Variants in PTPRD observed in about 807,000 individuals in gnomAD.
PTPRD encodes receptor-type tyrosine-protein phosphatase delta.
PTPRD carries 34 observed loss-of-function variants against 214.5 expected under a neutral mutation model. The observed-to-expected ratio is 0.16, with a 90% CI of 0.12 to 0.21. The LOEUF is 0.21. Among genes scored for constraint, PTPRD ranks in the 10% least tolerant of loss-of-function variants. PTPRD has a pLI of 1.00. For missense variants in PTPRD, 2,545 were observed against 2,398.7 expected (o/e 1.06, Z -1.27); for synonymous variants, 1,128 against 845.7 (o/e 1.33, Z -5.79).
At chr9:10,275,420 G>T (rs1474036015) in intron 3 of PTPRD, among the ~76,000 whole-genome samples, 1 of 151,972 alleles carries the variant, frequency 6.6e-6, no homozygotes, top group Middle Eastern at 3.2e-3. Context: ...TAAATTGAGA[G>T]GGATGAGAGA....
At chr9:10,347,869 C>T (rs2097114455) in intron 2 of PTPRD, among the ~76,000 whole-genome samples, 1 of 151,902 alleles carries the variant, frequency 6.6e-6, no homozygotes, top group Non-Finnish European at 1.5e-5. Flanking sequence ...ACCAGCCTGG[C>T]CAACATAGGG....
chr9:10,218,079 T>C (rs537986780), intron 3 of PTPRD, among the ~76,000 whole-genome samples: 1 of 152,040 alleles, frequency 6.6e-6, no homozygotes, highest in South Asian at 2.1e-4. Context: ...AAGTAGATTC[T>C]ATTCTGGCCA....
chr9:10,200,842 T>C (rs767891951), intron 3 of PTPRD, among the ~76,000 whole-genome samples: 5 of 152,122 alleles, frequency 3.3e-5, no homozygotes, highest in Non-Finnish European at 5.9e-5. Context: ...TCTAGCATAT[T>C]TGCAAAGGAT....
At chr9:8,760,670 C>A (rs955060508) in intron 11 of PTPRD, among the ~76,000 whole-genome samples, 33 of 151,390 alleles carry the variant, frequency 2.2e-4, no homozygotes, top group African/African-American at 7.8e-4. Flanking sequence ...GGTGCCTAGT[C>A]TGGCTAGCAG....
intron 6 of PTPRD, among the ~76,000 whole-genome samples, chr9:9,754,610 T>A (rs2098551544): frequency 6.6e-6 from 1 of 152,144 alleles, no homozygotes; most frequent in Non-Finnish European, 1.5e-5. Context: ...TATTACATGC[T>A]ATGTACTAAA....
At chr9:10,503,512 G>C (rs1157352658) in intron 2 of PTPRD, among the ~76,000 whole-genome samples, 1 of 152,036 alleles carries the variant, frequency 6.6e-6, no homozygotes, top group Non-Finnish European at 1.5e-5. Flanking sequence ...AATTGGAGAA[G>C]AGAGGGGCAG....
intron 10 of PTPRD, among the ~76,000 whole-genome samples, chr9:9,157,476 C>A (rs2099882223): frequency 6.6e-6 from 1 of 151,968 alleles, no homozygotes; most frequent in Admixed American, 6.6e-5. Context: ...TCATAAGAAA[C>A]TACTATGAAC....
At chr9:8,783,513 G>A (rs914453291) in intron 11 of PTPRD, among the ~76,000 whole-genome samples, 11 of 152,240 alleles carry the variant, frequency 7.2e-5, no homozygotes, top group East Asian at 3.9e-4. Context: ...ACTTGACACC[G>A]TTTTGCAGAT....
chr9:10,135,323 A>AGTCC (rs1384440879), intron 3 of PTPRD, among the ~76,000 whole-genome samples: 1 of 152,162 alleles, frequency 6.6e-6, no homozygotes, highest in African/African-American at 2.4e-5. Context: ...CAGTCCATAC[A>AGTCC]AGTTTTCCCA....
At chr9:8,797,317 A>C (rs184573511) in intron 11 of PTPRD, 21 of 152,326 alleles carry the variant, frequency 1.4e-4, no homozygotes, top group Admixed American at 1.2e-3. Flanking sequence ...AATGTACAAT[A>C]ATATGAAAAG....
intron 19 of PTPRD, among the ~76,000 whole-genome samples, chr9:8,522,293 C>T (rs1042951805): frequency 1.3e-5 from 2 of 151,926 alleles, no homozygotes; most frequent in African/African-American, 4.8e-5. Context: ...CAGCAATGAC[C>T]GCAGAAGAAA....
At chr9:9,989,542 C>A (rs1338907998) in intron 4 of PTPRD, among the ~76,000 whole-genome samples, 1 of 152,110 alleles carries the variant, frequency 6.6e-6, no homozygotes, top group African/African-American at 2.4e-5. Context: ...CATCCCCCTT[C>A]TAGCTCCCCT....
chr9:8,909,710 T>A (rs1201869115), intron 11 of PTPRD, among the ~76,000 whole-genome samples: 1 of 152,000 alleles, frequency 6.6e-6, no homozygotes, highest in Admixed American at 6.6e-5. Flanking sequence ...TATTCAAGAT[T>A]ATTCTGGAAC....
At chr9:9,948,705 T>A (rs1348691699) in intron 4 of PTPRD, among the ~76,000 whole-genome samples, 1 of 152,048 alleles carries the variant, frequency 6.6e-6, no homozygotes, top group African/African-American at 2.4e-5. Context: ...TGTAATCCAA[T>A]GGCAGTAATT....
chr9:9,171,020 A>G lies in PTPRD; in HGVS notation c.-143+12284T>C, dbSNP rs530189930. On this transcript the variant is annotated intron_variant, in intron 10 of 45. Coordinates refer to ENST00000381196, the MANE Select transcript of PTPRD (RefSeq NM_002839.4). ...TAGGCCCAGCTGTCCAGGAAAGCTT[A>G]AGAAACACCTGCCACATTGTGGTAC... Among the ~76,000 whole-genome samples, 275 of 152,276 alleles carry G rather than the reference A, an allele frequency of 1.8e-3. 3 individuals carry two copies. Among genetic ancestry groups the G allele is most frequent in the Non-Finnish European group, 2.8e-3 (192 of 68,016 alleles).
At chr9:10,262,946 A>G (rs969027349) in intron 3 of PTPRD, among the ~76,000 whole-genome samples, 10 of 151,986 alleles carry the variant, frequency 6.6e-5, no homozygotes, top group Non-Finnish European at 1.0e-4. Flanking sequence ...TTTCCCACAT[A>G]CTGTTCTCGT....
intron 34 of PTPRD, among the ~76,000 whole-genome samples, chr9:8,441,067 G>A (rs546251886): frequency 2.6e-4 from 39 of 152,246 alleles, no homozygotes; most frequent in African/African-American, 9.1e-4. Flanking sequence ...GGGCTAGGCT[G>A]GTAAGATAAA....
chr9:9,983,538 C>G lies in PTPRD; in HGVS notation c.-471-44928G>C, dbSNP rs554547062. On this transcript the variant is annotated intron_variant, in intron 4 of 45. Coordinates refer to ENST00000381196, the MANE Select transcript of PTPRD (RefSeq NM_002839.4). ...GCAAAGCACTTAGTACCAGCTACAC[C>G]GTAAGCCCTATGTATAGAGCCATTA... Among the ~76,000 whole-genome samples the G allele has an allele frequency of 5.3e-5, 8 of 152,302 alleles. No homozygotes were observed. In the South Asian group the frequency reaches 1.2e-3, roughly 24 times the overall value.
intron 3 of PTPRD, among the ~76,000 whole-genome samples, chr9:10,195,135 A>G (rs1593799590): frequency 7.8e-6 from 1 of 127,662 alleles, no homozygotes; most frequent in East Asian, 2.4e-4. Context: ...TTTTTAGTAG[A>G]GACAGGGTTT....
Sources: gnomAD v4.1 joint callset for allele counts (sites outside exome capture counted in the v4.1 genomes callset) on GRCh38, gnomAD v4.1.1 for gene constraint, MANE v1.5 for transcripts, NCBI Gene and HGNC (gene_info 2026-07-23, HGNC 2026-07-21) for gene names.